STAG1: variants seen among roughly 807,000 people sequenced by gnomAD.
The protein encoded by STAG1 is STAG1 cohesin complex component.
In STAG1, 26 loss-of-function variants were observed where a neutral mutation model predicts 170.9. The observed-to-expected ratio is 0.15, with a 90% CI of 0.11 to 0.21. STAG1 has a LOEUF of 0.21. Among genes scored for constraint, STAG1 ranks in the 10% least tolerant of loss-of-function variants. The pLI is 1.00. For synonymous variants in STAG1, 514 were observed against 497.7 expected, an observed-to-expected ratio of 1.03 and a Z score of -0.44; for missense variants, 964 against 1,509.5, an observed-to-expected ratio of 0.64 and a Z score of 5.99.
intron 1 of STAG1, among the ~76,000 whole-genome samples, chr3:136,650,958 G>A (rs1941197938): frequency 6.6e-6 from 1 of 151,716 alleles, no homozygotes; most frequent in Admixed American, 6.6e-5. Context: ...GCACTGGGGA[G>A]AAAAGCACTC....
intron 5 of STAG1, among the ~76,000 whole-genome samples, chr3:136,563,896 G>A (rs1936949143): frequency 6.6e-6 from 1 of 152,028 alleles, no homozygotes; most frequent in Admixed American, 6.6e-5. Context: ...GGTGGTGCGT[G>A]TCTGTAATCC....
chr3:136,456,180 G>C (rs960368757), intron 13 of STAG1, among the ~76,000 whole-genome samples: 2 of 152,060 alleles, frequency 1.3e-5, no homozygotes, highest in Admixed American at 1.3e-4. Flanking sequence ...AAAAACTGAA[G>C]ATCTATGAAA....
In STAG1 at chr3:136,452,112, GCTT is replaced by G. The variant is rs1348480659; in HGVS notation, c.1346_1348del (p.Glu449del). 1 of 1,613,206 alleles carries G rather than the reference GCTT, an allele frequency of 6.2e-7. No homozygotes were observed. Among genetic ancestry groups the G allele is most frequent in the Admixed American group, 1.7e-5 (1 of 59,882 alleles). The stretch of plus-strand genomic sequence containing the variant: ...GTTTCTTCCCCTCCTCTTTGCTAAT[GCTT>G]CTTCTGCTTGTGGGTCATGTCTGCT... On this transcript the variant is annotated inframe_deletion, in exon 14 of 34. Transcript: ENST00000383202.
intron 10 of STAG1, among the ~76,000 whole-genome samples, chr3:136,474,485 T>G (rs1322188145): frequency 6.6e-6 from 1 of 152,216 alleles, no homozygotes; most frequent in Non-Finnish European, 1.5e-5. Flanking sequence ...GTAAAAGTTT[T>G]AACAAAGAGC....
intron 21 of STAG1, among the ~76,000 whole-genome samples, chr3:136,416,467 T>C (rs1173883181): frequency 2.0e-5 from 3 of 152,176 alleles, no homozygotes; most frequent in African/African-American, 4.8e-5. Context: ...AGCACAATAA[T>C]GATGGTATAG....
chr3:136,504,689 C>T lies in STAG1; in HGVS notation c.677-1910G>A, dbSNP rs144790038. On this transcript the variant is annotated intron_variant, in intron 7 of 33. Coordinates refer to ENST00000383202, the MANE Select transcript of STAG1 (RefSeq NM_005862.3). ...TAATTCAGTATCTACCTCTACATAC[C>T]TAACGCAAAATGACTTGAATATCCA... Among the ~76,000 whole-genome samples, 629 of 152,232 alleles carry T rather than the reference C, an allele frequency of 4.1e-3. 5 individuals carry two copies. The highest frequency in any genetic ancestry group is 0.014 in the African/African-American group (601 of 41,514).
In STAG1 at chr3:136,710,924, T is replaced by C. The variant is rs910939186; in HGVS notation, c.-84+41271A>G. Among the ~76,000 whole-genome samples the C allele has an allele frequency of 1.5e-4, 23 of 152,120 alleles. 2 individuals carry two copies. ...ATTTGTGTACCATCCTGGACTCCCT[T>C]TGGCTTTATAAATACTGGAGATGCT... On this transcript the variant is annotated intron_variant, in intron 1 of 33. Coordinates refer to ENST00000383202, the MANE Select transcript of STAG1 (RefSeq NM_005862.3).
intron 22 of STAG1, among the ~76,000 whole-genome samples, chr3:136,397,808 A>C (rs924709678): frequency 5.3e-5 from 8 of 151,902 alleles, no homozygotes; most frequent in Non-Finnish European, 8.8e-5. Flanking sequence ...TCCCTAGCCC[A>C]CATTTTTCTT....
chr3:136,417,854 T>C (rs2087819303), intron 21 of STAG1, 31 bp downstream of exon 21: 1 of 1,550,622 alleles, frequency 6.4e-7, no homozygotes, highest in South Asian at 1.1e-5. Flanking sequence ...CTTTCTAGAG[T>C]CATACAGAAG....
chr3:136,663,104 C>G (rs1016649185), intron 1 of STAG1, among the ~76,000 whole-genome samples: 1 of 151,600 alleles, frequency 6.6e-6, no homozygotes, highest in South Asian at 2.1e-4. Context: ...AAAATAAAAT[C>G]AAGTGGGTTG....
At chr3:136,428,228 C>G (rs1325246265) in intron 16 of STAG1, among the ~76,000 whole-genome samples, 1 of 152,152 alleles carries the variant, frequency 6.6e-6, no homozygotes, top group African/African-American at 2.4e-5. Context: ...TGTAAAGCTG[C>G]TAACTCTCAA....
intron 14 of STAG1, among the ~76,000 whole-genome samples, chr3:136,445,602 ATT>A (rs928463963): frequency 1.3e-5 from 2 of 152,134 alleles, no homozygotes; most frequent in Admixed American, 1.3e-4. Context: ...AACAAGGTAA[ATT>A]TTGTTTTATA....
intron 6 of STAG1, among the ~76,000 whole-genome samples, chr3:136,541,691 C>T (rs1935914407): frequency 6.6e-6 from 1 of 151,990 alleles, no homozygotes; most frequent in Admixed American, 6.6e-5. Context: ...TCTTAAATAA[C>T]ATAATGTGAT....
At chr3:136,365,932 T>C (rs1168175049) in intron 25 of STAG1, among the ~76,000 whole-genome samples, 1 of 151,722 alleles carries the variant, frequency 6.6e-6, no homozygotes, top group Non-Finnish European at 1.5e-5. Context: ...AGGGCTTGTC[T>C]TCCTTCCCAT....
chr3:136,566,496 T>C (rs1649166423), intron 5 of STAG1, among the ~76,000 whole-genome samples: 1 of 152,234 alleles, frequency 6.6e-6, no homozygotes, highest in South Asian at 2.1e-4. Context: ...ATGAATGCCC[T>C]AAATGCTACT....
chr3:136,462,604 C>T (rs765674757), intron 13 of STAG1, among the ~76,000 whole-genome samples: 13 of 152,090 alleles, frequency 8.5e-5, no homozygotes, highest in Non-Finnish European at 8.8e-5. Context: ...TTTGATACCA[C>T]AGTAGGGTGA....
chr3:136,731,457 G>T (rs1934036376), intron 1 of STAG1, among the ~76,000 whole-genome samples: 1 of 152,202 alleles, frequency 6.6e-6, no homozygotes, highest in African/African-American at 2.4e-5. Flanking sequence ...GTATCTTTAG[G>T]CAGGGTACCA....
At chr3:136,739,170 A>T (rs1461578026) in intron 1 of STAG1, among the ~76,000 whole-genome samples, 1 of 152,176 alleles carries the variant, frequency 6.6e-6, no homozygotes, top group African/African-American at 2.4e-5. Flanking sequence ...CCTAAGTTCA[A>T]ATTCTGGCTC....
intron 4 of STAG1, among the ~76,000 whole-genome samples, chr3:136,593,930 T>TA: frequency 6.6e-6 from 1 of 152,226 alleles, no homozygotes; most frequent in East Asian, 1.9e-4. Flanking sequence ...TGAAGTTTCA[T>TA]TTTAATCAAT....
Sources: gnomAD v4.1 joint callset for allele counts (sites outside exome capture counted in the v4.1 genomes callset) on GRCh38, gnomAD v4.1.1 for gene constraint, MANE v1.5 for transcripts, NCBI Gene and HGNC (gene_info 2026-07-23, HGNC 2026-07-21) for gene names.